Variants in PRSS55 observed in about 807,000 individuals in gnomAD.
The protein encoded by PRSS55 is probable serine protease UNQ9391/PRO34284.
Under a neutral mutation model 23.6 loss-of-function variants are expected in PRSS55, and 41 were observed. The observed-to-expected ratio is 1.74, with a 90% CI of 1.35 to 2.26. The LOEUF (loss-of-function observed/expected upper bound fraction) is 2.26. PRSS55 is among the 30% of genes most tolerant of loss of function. The pLI, the probability that PRSS55 is intolerant of heterozygous loss-of-function variation, is 0.00. For missense variants in PRSS55, 669 were observed against 439.1 expected (o/e 1.52, Z -4.68); for synonymous variants, 262 against 175.5 (o/e 1.49, Z -3.90).
At chr8:10,534,081 C>G (rs933016973) in intron 4 of PRSS55, among the ~76,000 whole-genome samples, 2 of 151,734 alleles carry the variant, frequency 1.3e-5, no homozygotes, top group Admixed American at 6.6e-5. Flanking sequence ...ACACATGAAC[C>G]TTGTATTTTC....
intron 2 of PRSS55, 138 bp from the exon 3 acceptor site, chr8:10,531,157 C>G (rs1812243435): frequency 9.6e-7 from 1 of 1,044,244 alleles, no homozygotes; most frequent in African/African-American, 1.6e-5. Context: ...AATCCTCACA[C>G]CTTCTGATCA....
At chr8:10,550,819 CGT>C (rs1456680309) in intron 4 of PRSS55, among the ~76,000 whole-genome samples, 2 of 152,184 alleles carry the variant, frequency 1.3e-5, no homozygotes, top group Non-Finnish European at 2.9e-5. Context: ...TGTGTGCATG[CGT>C]GTGTGTGCAC....
intron 4 of PRSS55, among the ~76,000 whole-genome samples, chr8:10,548,292 C>A (rs1233730941): frequency 6.6e-6 from 1 of 152,158 alleles, no homozygotes; most frequent in South Asian, 2.1e-4. Context: ...CAGTGTCTCC[C>A]TGTGCTTGGT....
intron 1 of PRSS55, among the ~76,000 whole-genome samples, chr8:10,527,018 C>T (rs897396511): frequency 6.6e-6 from 1 of 152,336 alleles, no homozygotes; most frequent in East Asian, 1.9e-4. Flanking sequence ...CCCATCATAG[C>T]TGCCCACCAT....
intron 2 of PRSS55, among the ~76,000 whole-genome samples, chr8:10,530,116 T>C (rs1166375824): frequency 2.0e-5 from 3 of 152,220 alleles, no homozygotes; most frequent in African/African-American, 4.8e-5. Context: ...TGTGACAGCA[T>C]GTGGATGGAT....
At position 10,531,297 on chromosome 8, in the gene PRSS55, C is replaced by T. The variant is rs775236814; in HGVS notation, c.350C>T (p.Pro117Leu). 3 of 1,613,902 alleles carry T rather than the reference C, an allele frequency of 1.9e-6. No homozygotes were observed. Among genetic ancestry groups the T allele is most frequent in the South Asian group, 1.1e-5 (1 of 91,064 alleles). ...AHCLYSEELF[P>L]EELSVVLGTN... ...CCTCTCTGGTTCTCTGCCACCAGTC[C>T]AGAAGAACTGAGTGTCGTGCTGGGG... is the stretch of plus-strand genomic sequence containing the variant. The change falls in exon 3 of 5, where the codon CCA becomes CTA. Residue 117 changes from proline to leucine, a missense_variant and splice_region_variant. Pro to Leu is a moderately conservative substitution (Grantham distance 98). Transcript: ENST00000328655.
chr8:10,532,154 C>G (rs914750645), intron 3 of PRSS55, among the ~76,000 whole-genome samples: 3 of 152,160 alleles, frequency 2.0e-5, no homozygotes, highest in Non-Finnish European at 4.4e-5. Flanking sequence ...GCTCTCGATC[C>G]ACAGGGATGA....
intron 4 of PRSS55, 68 bp downstream of exon 4, chr8:10,533,116 TTC>T: frequency 6.6e-7 from 1 of 1,516,738 alleles, no homozygotes; most frequent in Non-Finnish European, 9.1e-7. Context: ...TGCAAGGGTA[TTC>T]TCTCTCTGCT....
intron 4 of PRSS55, among the ~76,000 whole-genome samples, chr8:10,533,776 C>A (rs1812355855): frequency 6.6e-6 from 1 of 152,100 alleles, no homozygotes; most frequent in African/African-American, 2.4e-5. Context: ...AGGCAGTGGA[C>A]CTTGTCGTTG....
At chr8:10,550,442 A>T (rs1267043120) in intron 4 of PRSS55, among the ~76,000 whole-genome samples, 3 of 152,114 alleles carry the variant, frequency 2.0e-5, no homozygotes, top group Non-Finnish European at 4.4e-5. Flanking sequence ...GTGTAGCATC[A>T]TCTGGTGGCA....
At position 10,530,550 on chromosome 8, in the gene PRSS55, A is replaced by AGCCCTG. The variant is rs552507631; in HGVS notation, c.348-740_348-739insGGCCCT. ...GACCCCTGAAGCAGGTAGAATGAAT[A>AGCCCTG]GCCCTCGTTTATAGATAAGGAAACT... On this transcript the variant is annotated intron_variant, in intron 2 of 4. Coordinates refer to ENST00000328655, the MANE Select transcript of PRSS55 (RefSeq NM_198464.4). 4.6e-3 allele frequency among the ~76,000 whole-genome samples: 707 copies of AGCCCTG among 152,322 alleles called. 1 individual carries two copies. Among genetic ancestry groups the AGCCCTG allele is most frequent in the Non-Finnish European group, 7.8e-3 (534 of 68,032 alleles).
At chr8:10,528,911 G>A (rs537727885) in intron 1 of PRSS55, among the ~76,000 whole-genome samples, 9 of 152,062 alleles carry the variant, frequency 5.9e-5, no homozygotes, top group African/African-American at 1.7e-4. Flanking sequence ...GCTATGTTGC[G>A]TCTCTTTGCC....
At chr8:10,536,899 T>C (rs1454110548) in intron 4 of PRSS55, among the ~76,000 whole-genome samples, 2 of 152,152 alleles carry the variant, frequency 1.3e-5, no homozygotes, top group African/African-American at 4.8e-5. Context: ...AGTAAGGTAG[T>C]TTTTTACTAC....
At chr8:10,533,184 G>A in intron 4 of PRSS55, 136 bp downstream of exon 4, 1 of 936,076 alleles carries the variant, frequency 1.1e-6, no homozygotes, top group East Asian at 2.6e-5. Context: ...CTGCAGCCAT[G>A]AGAATGAGTA....
At chr8:10,527,364 C>T (rs1812066862) in intron 1 of PRSS55, among the ~76,000 whole-genome samples, 1 of 152,184 alleles carries the variant, frequency 6.6e-6, no homozygotes, top group Non-Finnish European at 1.5e-5. Flanking sequence ...TGGAGTCATT[C>T]AATCAGGGAA....
At chr8:10,543,431 C>CTTTTCTTTT (rs1563547223), downstream of PRSS55, among the ~76,000 whole-genome samples, 28 of 18,852 alleles carry the variant, frequency 1.5e-3, no homozygotes, top group African/African-American at 2.3e-3. Context: ...TTTCTTCCTT[C>CTTTTCTTTT]CTTCCTTCCT....
At chr8:10,527,287 G>C (rs1812064047) in intron 1 of PRSS55, among the ~76,000 whole-genome samples, 1 of 152,216 alleles carries the variant, frequency 6.6e-6, no homozygotes, top group Non-Finnish European at 1.5e-5. Flanking sequence ...AATTTGTCAT[G>C]ATGATAGAGA....
intron 4 of PRSS55, among the ~76,000 whole-genome samples, chr8:10,550,075 T>G (rs946799727): frequency 2.0e-5 from 3 of 152,132 alleles, no homozygotes; most frequent in Non-Finnish European, 2.9e-5. Context: ...CGCGCCACCA[T>G]GCCCTGCTAA....
downstream of PRSS55, chr8:10,540,537 C>T (rs926327906): frequency 6.6e-6 from 1 of 152,138 alleles, no homozygotes; most frequent in South Asian, 2.1e-4. Flanking sequence ...CACGGTGAAA[C>T]CCCGTCTCTA....
Sources: gnomAD v4.1 joint callset for allele counts (sites outside exome capture counted in the v4.1 genomes callset) on GRCh38, gnomAD v4.1.1 for gene constraint, MANE v1.5 for transcripts, NCBI Gene and HGNC (gene_info 2026-07-23, HGNC 2026-07-21) for gene names.